Variants in MCM9 observed in about 807,000 individuals in gnomAD.
MCM9 encodes the protein DNA helicase MCM9.
In MCM9, 55 loss-of-function variants were observed where a neutral mutation model predicts 72.8. The ratio of observed to expected loss-of-function variants is 0.76; its 90% confidence interval spans 0.61 to 0.95. The LOEUF (loss-of-function observed/expected upper bound fraction) is 0.95. Ranked by LOEUF, MCM9 falls within the 40% of genes least tolerant of loss-of-function variation. MCM9 has a pLI of 0.00. For synonymous variants in MCM9, 480 were observed against 503.4 expected, an observed-to-expected ratio of 0.95 and a Z score of 0.62; for missense variants, 1,279 against 1,377.0, an observed-to-expected ratio of 0.93 and a Z score of 1.13.
intron 8 of MCM9, among the ~76,000 whole-genome samples, chr6:118,892,583 G>A (rs753556182): frequency 7.9e-5 from 12 of 152,128 alleles, no homozygotes; most frequent in East Asian, 1.9e-4. Context: ...TACATATACA[G>A]AGTGTCTTAC....
chr6:118,896,522 T>A (rs1179801828), intron 8 of MCM9, among the ~76,000 whole-genome samples: 1 of 152,236 alleles, frequency 6.6e-6, no homozygotes, highest in Non-Finnish European at 1.5e-5. Flanking sequence ...CATTTTTAAC[T>A]GGGATCCATT....
chr6:118,815,807 T>C lies in MCM9; in HGVS notation c.2449A>G (p.Ser817Gly), dbSNP rs776836801. The change falls in exon 14 of 14, where the codon AGT (serine) becomes GGT (glycine). Residue 817 changes from serine to glycine, a missense_variant. Transcript: ENST00000619706. ...GVPWRADNVESNKKKRLALDS... is the reference protein window; with the variant it reads ...GVPWRADNVEGNKKKRLALDS... ...AGTGCTAGCCTTTTTTTCTTGTTAC[T>C]TTCCACATTGTCTGCCCTCCATGGA... The C allele has an allele frequency of 3.5e-5, 54 of 1,539,230 alleles. No individual in the cohort carries two copies. The East Asian group carries it at 8.1e-4, about 23-fold the overall frequency.
intron 9 of MCM9, among the ~76,000 whole-genome samples, chr6:118,849,949 G>C (rs1226653566): frequency 6.6e-6 from 1 of 151,826 alleles, no homozygotes; most frequent in Admixed American, 6.5e-5. Flanking sequence ...GAAGAAAACA[G>C]AATGGAAAGG....
chr6:118,817,378 A>C (rs1226591073), intron 13 of MCM9, among the ~76,000 whole-genome samples: 1 of 151,682 alleles, frequency 6.6e-6, no homozygotes, highest in Non-Finnish European at 1.5e-5. Flanking sequence ...TATGAGTGAG[A>C]ACATGTGGTG....
At chr6:118,878,533 A>G (rs1473411097) in intron 8 of MCM9, among the ~76,000 whole-genome samples, 1 of 152,190 alleles carries the variant, frequency 6.6e-6, no homozygotes, top group African/African-American at 2.4e-5. Flanking sequence ...GGCTTATAAC[A>G]TATGAAGATA....
At chr6:118,848,137 G>A (rs1775996658) in intron 9 of MCM9, among the ~76,000 whole-genome samples, 1 of 151,794 alleles carries the variant, frequency 6.6e-6, no homozygotes, top group Admixed American at 6.6e-5. Context: ...ATTTTAGATA[G>A]ACCAAAGCAA....
chr6:118,868,436 A>G (rs1167357500), intron 8 of MCM9, among the ~76,000 whole-genome samples: 1 of 152,214 alleles, frequency 6.6e-6, no homozygotes, highest in Non-Finnish European at 1.5e-5. Context: ...TAATTAAACT[A>G]AAGAGCTTCT....
rs1774938391 is a variant in MCM9 at position 118,836,103 on chromosome 6, A to C, written c.1326-6853T>G. 2.6e-5 allele frequency among the ~76,000 whole-genome samples: 4 copies of C among 152,318 alleles called. No homozygotes were observed. In the South Asian group the frequency reaches 8.3e-4, roughly 32 times the overall value. On this transcript the variant is annotated intron_variant, in intron 9 of 13. Transcript: ENST00000619706. ...AGGCCTTTTCTGCATCTATTGGGAT[A>C]ATCAAGTGGTTTTTGTCATTGGTTC...
At chr6:118,865,689 C>T (rs1333687180) in intron 8 of MCM9, among the ~76,000 whole-genome samples, 2 of 152,166 alleles carry the variant, frequency 1.3e-5, no homozygotes, top group Non-Finnish European at 2.9e-5. Flanking sequence ...CTTTGGCTTA[C>T]CCCTATGATA....
intron 8 of MCM9, among the ~76,000 whole-genome samples, chr6:118,889,611 G>A (rs980763537): frequency 6.6e-6 from 1 of 152,186 alleles, no homozygotes; most frequent in Non-Finnish European, 1.5e-5. Context: ...AAGAGGAAAC[G>A]AGTTTAGAAA....
chr6:118,869,967 T>C (rs898706823), intron 8 of MCM9, among the ~76,000 whole-genome samples: 11 of 152,166 alleles, frequency 7.2e-5, no homozygotes, highest in African/African-American at 2.7e-4. Context: ...ACTGTAAATA[T>C]ATATGCACCC....
chr6:118,842,860 T>C (rs1775481997), intron 9 of MCM9, among the ~76,000 whole-genome samples: 1 of 152,170 alleles, frequency 6.6e-6, no homozygotes, highest in South Asian at 2.1e-4. Context: ...ATTTGCTTCC[T>C]GGTTTCATCT....
intron 9 of MCM9, among the ~76,000 whole-genome samples, chr6:118,839,877 C>G (rs1583392760): frequency 6.6e-6 from 1 of 152,318 alleles, no homozygotes; most frequent in East Asian, 1.9e-4. Context: ...TTGGAGGTGT[C>G]TCCCAGTCAG....
intron 8 of MCM9, among the ~76,000 whole-genome samples, chr6:118,857,735 T>C (rs988853362): frequency 6.6e-6 from 1 of 151,752 alleles, no homozygotes; most frequent in Admixed American, 6.6e-5. Flanking sequence ...GGAAATACTA[T>C]GAATAACTCT....
chr6:118,913,534 G>T (rs41292550), intron 6 of MCM9, 114 bp from the exon 7 acceptor site: 2 of 1,307,726 alleles, frequency 1.5e-6, no homozygotes, highest in Admixed American at 4.5e-5. Context: ...ACTATGTGAA[G>T]TGATCAGGAG....
chr6:118,863,986 CAG>C (rs1174281872), intron 8 of MCM9, among the ~76,000 whole-genome samples: 6 of 149,660 alleles, frequency 4.0e-5, no homozygotes, highest in African/African-American at 1.2e-4. Context: ...TCAATTAAGA[CAG>C]AGATTGTCAG....
intron 6 of MCM9, among the ~76,000 whole-genome samples, chr6:118,915,770 G>C (rs923379230): frequency 3.9e-5 from 6 of 152,168 alleles, no homozygotes; most frequent in African/African-American, 1.4e-4. Context: ...ACTAACAAGA[G>C]AAACACTGCC....
intron 8 of MCM9, among the ~76,000 whole-genome samples, chr6:118,907,207 A>G (rs894758698): frequency 1.3e-5 from 2 of 152,202 alleles, no homozygotes; most frequent in African/African-American, 4.8e-5. Context: ...GTTAATCTAA[A>G]ATAACTTCTT....
At chr6:118,890,673 C>G (rs181041439) in intron 8 of MCM9, among the ~76,000 whole-genome samples, 10 of 152,192 alleles carry the variant, frequency 6.6e-5, no homozygotes, top group Admixed American at 1.3e-4. Flanking sequence ...CATTATTGTA[C>G]AATTTACTCC....
Sources: gnomAD v4.1 joint callset for allele counts (sites outside exome capture counted in the v4.1 genomes callset) on GRCh38, gnomAD v4.1.1 for gene constraint, MANE v1.5 for transcripts, NCBI Gene and HGNC (gene_info 2026-07-23, HGNC 2026-07-21) for gene names.